ZNF836: variants seen among roughly 807,000 people sequenced by gnomAD.
ZNF836 encodes zinc finger protein 836.
ZNF836 carries 12 observed loss-of-function variants against 7.4 expected under a neutral mutation model. That is an observed-to-expected ratio of 1.61 (90% CI 1.03 to 2.61). ZNF836 has a LOEUF of 2.61. Ranked by LOEUF, ZNF836 falls within the 30% of genes most tolerant of loss-of-function variation. ZNF836 has a pLI of 0.00. For synonymous variants in ZNF836, 365 were observed against 382.6 expected, an observed-to-expected ratio of 0.95 and a Z score of 0.54; for missense variants, 998 against 1,126.2, an observed-to-expected ratio of 0.89 and a Z score of 1.63.
At position 52,156,294 on chromosome 19, in the gene ZNF836, A is replaced by G; in HGVS notation, c.1389T>C (p.Ser463=). The G allele has an allele frequency of 6.2e-7, 1 of 1,613,762 alleles. No homozygotes were observed. Among genetic ancestry groups the G allele is most frequent in the Non-Finnish European group, 8.5e-7 (1 of 1,179,936 alleles). The change falls in exon 5 of 5, where the codon AGT becomes AGC. Residue 463 remains serine, a synonymous_variant. Transcript: ENST00000682614. ...ATTTGTAAGGTTTCTCTCCAGTATGACTTCTCTGGTGCCTTGCAAGTTGTG... is the reference window on the plus strand; with the variant it reads ...ATTTGTAAGGTTTCTCTCCAGTATGGCTTCTCTGGTGCCTTGCAAGTTGTG... ...QRSQLARHQR[S]HTGEKPYKCN...
Position 52,156,936 on chromosome 19 carries a change from A to T in ZNF836, c.747T>A (p.Asn249Lys). The part of the protein sequence containing the change: ...VHTTEKPYKC[N>K]ECGKAFHRGS... ...CCCGATGAAAGGCTTTGCCACATTC[A>T]TTGCATTTGTAAGGTTTCTCTGTAG... The change falls in exon 5 of 5, where the codon AAT becomes AAA. Residue 249 changes from asparagine (N) to lysine (K), a missense_variant. Asn to Lys is a moderately conservative substitution (Grantham distance 94, BLOSUM62 0). Coordinates refer to ENST00000682614, the MANE Select transcript of ZNF836 (RefSeq NM_001102657.3). 6.2e-7 allele frequency: 1 copy of T among 1,614,168 alleles called. No homozygotes were observed. The highest frequency in any genetic ancestry group is 8.5e-7 in the Non-Finnish European group (1 of 1,180,024).
At chr19:52,164,434 A>G (rs1384736578) in intron 3 of ZNF836, among the ~76,000 whole-genome samples, 1 of 135,828 alleles carries the variant, frequency 7.4e-6, no homozygotes, top group Non-Finnish European at 1.6e-5. Flanking sequence ...AGGGAGGGAG[A>G]GAGAGAGAGA....
chr19:52,168,793 G>A (rs1421254767), intron 2 of ZNF836, among the ~76,000 whole-genome samples: 2 of 152,030 alleles, frequency 1.3e-5, no homozygotes, highest in Admixed American at 6.6e-5. Flanking sequence ...AGGTTCAAGC[G>A]ATTCTCCTGC....
Position 52,154,754 on chromosome 19 carries a change from C to G in ZNF836, c.*118G>C. On this transcript the variant is annotated 3_prime_UTR_variant, in exon 5 of 5. Coordinates refer to ENST00000682614, the MANE Select transcript of ZNF836 (RefSeq NM_001102657.3). ...TGGTGCTAAACCATTCTTGAGAAAT[C>G]CACCCCTGTGATCCAATCATCTCCC... 1 of 917,804 alleles carries G rather than the reference C, an allele frequency of 1.1e-6. No homozygotes were observed. Among genetic ancestry groups the G allele is most frequent in the Non-Finnish European group, 1.6e-6 (1 of 636,166 alleles). 56.9% of individuals were successfully genotyped at this position (917,804 alleles called of 1,614,324 possible). A position where few individuals can be genotyped will look rare whatever the true frequency, so the allele number is the denominator to read the frequency against.
chr19:52,154,767 C>T lies in ZNF836; in HGVS notation c.*105G>A, dbSNP rs985218003. The T allele has an allele frequency of 1.9e-6, 2 of 1,048,214 alleles. No homozygotes were observed. Among genetic ancestry groups the T allele is most frequent in the Non-Finnish European group, 2.7e-6 (2 of 749,418 alleles). 64.9% of individuals were successfully genotyped at this position (1,048,214 alleles called of 1,614,324 possible). ...TTCTTGAGAAATCCACCCCTGTGAT[C>T]CAATCATCTCCCACCAGGCCCCACC... On this transcript the variant is annotated 3_prime_UTR_variant, in exon 5 of 5. Coordinates refer to ENST00000682614, the MANE Select transcript of ZNF836 (RefSeq NM_001102657.3).
At chr19:52,160,121 T>C (rs930998837) in intron 4 of ZNF836, among the ~76,000 whole-genome samples, 2 of 150,760 alleles carry the variant, frequency 1.3e-5, no homozygotes, top group South Asian at 2.1e-4. Flanking sequence ...AGGCGGAGGT[T>C]GCAGTGAGTT....
chr19:52,163,425 A>G (rs879275740), intron 3 of ZNF836, among the ~76,000 whole-genome samples: 11 of 152,190 alleles, frequency 7.2e-5, no homozygotes, highest in Non-Finnish European at 1.6e-4. Flanking sequence ...CAGCAACCTG[A>G]ACAATTTGCT....
chr19:52,161,652 G>GAA lies in ZNF836; in HGVS notation c.16-1063_16-1062dup, dbSNP rs35116958. Among the ~76,000 whole-genome samples the GAA allele has an allele frequency of 1.4e-5, 2 of 140,238 alleles. No homozygotes were observed. 92.0% of individuals were successfully genotyped at this position (140,238 alleles called of 152,430 possible). On this transcript the variant is annotated intron_variant, in intron 3 of 4. Coordinates refer to ENST00000682614, the MANE Select transcript of ZNF836 (RefSeq NM_001102657.3). This position sits in a 1 kb window ranked among gnomAD's most constrained non-coding sequence, Gnocchi z 4.1. The stretch of plus-strand genomic sequence containing the variant: ...AAGTTTCAACATGAATTGTGGAGGA[G>GAA]AAAAAAAAAAAAAACTCAGACTGTA...
chr19:52,158,551 T>C (rs2089186587), intron 4 of ZNF836, among the ~76,000 whole-genome samples: 1 of 151,966 alleles, frequency 6.6e-6, no homozygotes, highest in Non-Finnish European at 1.5e-5. Context: ...GAGACTAGCC[T>C]GGCCAACATG....
At position 52,164,497 on chromosome 19, in the gene ZNF836, G is replaced by C. The variant is rs556849383; in HGVS notation, c.15+3561C>G. 9.3e-3 allele frequency among the ~76,000 whole-genome samples: 682 copies of C among 73,046 alleles called. 2 individuals are homozygous for C. Among genetic ancestry groups the C allele is most frequent in the African/African-American group, 0.041 (637 of 15,542 alleles). 47.9% of individuals were successfully genotyped at this position (73,046 alleles called of 152,430 possible). Reference sequence around the variant, plus strand: ...GGAAGGAAAGAAAGAGAAAGAAAAAGAGAGAAAGAAAGAAAGACTAGAGCT... The same window carrying C: ...GGAAGGAAAGAAAGAGAAAGAAAAACAGAGAAAGAAAGAAAGACTAGAGCT... On this transcript the variant is annotated intron_variant, in intron 3 of 4. Coordinates refer to ENST00000682614, the MANE Select transcript of ZNF836 (RefSeq NM_001102657.3).
rs1339173077 is a variant in ZNF836 at position 52,161,478 on chromosome 19, G to A, written c.16-887C>T. 6.6e-6 allele frequency among the ~76,000 whole-genome samples: 1 copy of A among 152,022 alleles called. No individual in the cohort carries two copies. The highest frequency in any genetic ancestry group is 2.4e-5 in the African/African-American group (1 of 41,406). Reference sequence around the variant, plus strand: ...CCCCACATGGCAGAAGGGACAGAAAGGGCAAAAAGCAGTGAACTCCGTAGA... The same window carrying A: ...CCCCACATGGCAGAAGGGACAGAAAAGGCAAAAAGCAGTGAACTCCGTAGA... On this transcript the variant is annotated intron_variant, in intron 3 of 4. Coordinates refer to ENST00000682614, the MANE Select transcript of ZNF836 (RefSeq NM_001102657.3). The surrounding 1 kb of genome is among the most constrained non-coding windows in gnomAD (Gnocchi z 4.1).
At position 52,156,954 on chromosome 19, in the gene ZNF836, C is replaced by A. The variant is rs759160592; in HGVS notation, c.729G>T (p.Glu243Asp). Reference sequence around the variant, plus strand: ...CACATTCATTGCATTTGTAAGGTTTCTCTGTAGTATGTACCATCTGATGGT... The same window carrying A: ...CACATTCATTGCATTTGTAAGGTTTATCTGTAGTATGTACCATCTGATGGT... ...LINHQMVHTT[E>D]KPYKCNECGK... The change falls in exon 5 of 5, where the codon GAG becomes GAT. Residue 243 changes from glutamate to aspartate, a missense_variant. Physicochemically the swap from Glu to Asp is conservative, Grantham distance 45. Transcript: ENST00000682614. 1.9e-6 allele frequency: 3 copies of A among 1,614,182 alleles called. No homozygotes were observed. The Admixed American group carries it at 5.0e-5, about 27-fold the overall frequency.
intron 3 of ZNF836, among the ~76,000 whole-genome samples, chr19:52,167,475 A>G (rs1166136178): frequency 6.7e-6 from 1 of 150,054 alleles, no homozygotes; most frequent in East Asian, 1.9e-4. Context: ...TCCGTCTCAA[A>G]AAAAAAAAAA....
rs1231861880 is a variant in ZNF836 at position 52,156,622 on chromosome 19, C to G, written c.1061G>C (p.Gly354Ala). The G allele has an allele frequency of 6.2e-7, 1 of 1,613,458 alleles. No homozygotes were observed. The highest frequency in any genetic ancestry group is 1.7e-5 in the Admixed American group (1 of 59,982). ...CLTTHQIIHT[G>A]EKPYQCDICG... ...TATATCACATTGATATGGTTTCTCT[C>G]CTGTATGGATTATCTGATGTGTAGT... The change falls in exon 5 of 5, where the codon GGA becomes GCA. Residue 354 changes from glycine to alanine, a missense_variant. Gly to Ala is a moderately conservative substitution (Grantham distance 60). Transcript: ENST00000682614.
In ZNF836 at chr19:52,157,472, G is replaced by C. The variant is rs2089176314; in HGVS notation, c.211C>G (p.Gln71Glu). 1.9e-6 allele frequency: 3 copies of C among 1,589,332 alleles called. No individual in the cohort carries two copies. Among genetic ancestry groups the C allele is most frequent in the Non-Finnish European group, 2.6e-6 (3 of 1,171,984 alleles). The change falls in exon 5 of 5, where the codon CAA (glutamine) becomes GAA (glutamate). Residue 71 changes from glutamine (Q) to glutamate (E), a missense_variant. Transcript: ENST00000682614. ...IGNSNTGEKCQTVTLERHECY... is the reference protein window; with the variant it reads ...IGNSNTGEKCETVTLERHECY... ...TCATGTCTTTCCAGCGTCACTGTTT[G>C]GCATTTTTCTCCTGTATTACTGTTC...
chr19:52,160,683 AT>A (rs1229255564), intron 3 of ZNF836, 92 bp from the exon 4 acceptor site: 159 of 1,458,466 alleles, frequency 1.1e-4, no homozygotes, highest in Non-Finnish European at 1.4e-4. Flanking sequence ...CATCAATTTG[AT>A]TGTGTGTTTT....
rs750470155 is a variant in ZNF836 at position 52,156,065 on chromosome 19, A to G, written c.1618T>C (p.Cys540Arg). 6.2e-7 allele frequency: 1 copy of G among 1,614,056 alleles called. No individual in the cohort carries two copies. Among genetic ancestry groups the G allele is most frequent in the Admixed American group, 1.7e-5 (1 of 60,028 alleles). The change falls in exon 5 of 5, where the codon TGC becomes CGC. Residue 540 changes from cysteine to arginine, a missense_variant. Physicochemically the swap from Cys to Arg is radical, Grantham distance 180. Coordinates refer to ENST00000682614, the MANE Select transcript of ZNF836 (RefSeq NM_001102657.3). ...TGAATTCTTAAATGTCTTACAAGGCATGAATTTTCACTAAAGACCTTTCCA... is the reference window on the plus strand; with the variant it reads ...TGAATTCTTAAATGTCTTACAAGGCGTGAATTTTCACTAAAGACCTTTCCA... ...ECGKVFSENSCLVRHLRIHTG... is the reference protein window; with the variant it reads ...ECGKVFSENSRLVRHLRIHTG...
intron 2 of ZNF836, among the ~76,000 whole-genome samples, chr19:52,168,563 G>C (rs1018718313): frequency 3.3e-5 from 5 of 151,914 alleles, no homozygotes; most frequent in Non-Finnish European, 1.5e-5. Context: ...GCTCCAGCCT[G>C]GGTGACACAG....
At chr19:52,169,440 G>T (rs944126161) in intron 2 of ZNF836, among the ~76,000 whole-genome samples, 2 of 152,086 alleles carry the variant, frequency 1.3e-5, no homozygotes, top group African/African-American at 4.8e-5. Context: ...TCAGCCAGGC[G>T]TGGTGGCACA....
Sources: gnomAD v4.1 joint callset for allele counts (sites outside exome capture counted in the v4.1 genomes callset) on GRCh38, gnomAD v4.1.1 for gene constraint, Gnocchi (gnomAD v3.1) non-coding constraint, MANE v1.5 for transcripts, NCBI Gene and HGNC (gene_info 2026-07-23, HGNC 2026-07-21) for gene names.